SLC15A1: variants seen among roughly 807,000 people sequenced by gnomAD.
SLC15A1 encodes the protein solute carrier family 15 member 1, also known as Caco-2 oligopeptide transporter.
SLC15A1 carries 83 observed loss-of-function variants against 92.9 expected under a neutral mutation model. That is an observed-to-expected ratio of 0.89 (90% CI 0.75 to 1.07). The LOEUF is 1.07. Among genes scored for constraint, SLC15A1 ranks in the 50% least tolerant of loss-of-function variants. The pLI, the probability that SLC15A1 is intolerant of heterozygous loss-of-function variation, is 0.00. For missense variants in SLC15A1, 857 were observed against 880.1 expected (o/e 0.97, Z 0.33); for synonymous variants, 322 against 318.2 (o/e 1.01, Z -0.13).
At chr13:98,752,546 C>G in intron 1 of SLC15A1, 49 bp downstream of exon 1, 1 of 1,275,788 alleles carries the variant, frequency 7.8e-7, no homozygotes, top group Middle Eastern at 2.6e-4. Context: ...CCCCGCCCCG[C>G]GTAGCTCCGA....
At chr13:98,726,676 T>G (rs2088304525) in intron 2 of SLC15A1, 167 bp downstream of exon 2, 8 of 772,446 alleles carry the variant, frequency 1.0e-5, no homozygotes, top group Non-Finnish European at 1.8e-5. Flanking sequence ...CTGAGGAGGA[T>G]TATCCACAGC....
At chr13:98,740,822 C>T (rs74109683) in intron 1 of SLC15A1, among the ~76,000 whole-genome samples, 1,575 of 152,256 alleles carry the variant, frequency 0.01, 33 homozygotes, top group African/African-American at 0.036. Context: ...GTGTCACACA[C>T]TTGGTTTGAT....
rs1198413926 is a variant in SLC15A1, at chr13:98,692,655, CTA to C, written c.1467-4080_1467-4079del. Reference sequence around the variant, plus strand: ...AACTGCTGAGTTTTGTAGTAAAACTCTATGTTTAACATTTCAAAGAACTGTTT... The same window carrying C: ...AACTGCTGAGTTTTGTAGTAAAACTCTGTTTAACATTTCAAAGAACTGTTT... On this transcript the variant is annotated intron_variant, in intron 18 of 22. Transcript: ENST00000376503. Among the ~76,000 whole-genome samples, 115 of 152,124 alleles carry C rather than the reference CTA, an allele frequency of 7.6e-4. 1 individual carries two copies. The highest frequency in any genetic ancestry group is 1.0e-4 in the Non-Finnish European group (7 of 68,022).
At position 98,731,487 on chromosome 13, in the gene SLC15A1, C is replaced by G. The variant is rs1404863800; in HGVS notation, c.5-4628G>C. Among the ~76,000 whole-genome samples, 5 of 152,300 alleles carry G rather than the reference C, an allele frequency of 3.3e-5. No homozygotes were observed. The East Asian group carries it at 9.6e-4, about 29-fold the overall frequency. On this transcript the variant is annotated intron_variant, in intron 1 of 22. Transcript: ENST00000376503. ...TGGCCTTACCATTGCCTCCCAAAGC[C>G]AACGAGAGAGGTGAAGTCACAGAAA... is the stretch of plus-strand genomic sequence containing the variant.
intron 1 of SLC15A1, 43 bp from the exon 2 acceptor site, chr13:98,726,902 C>A (rs1384583200): frequency 6.2e-7 from 1 of 1,608,058 alleles, no homozygotes; most frequent in African/African-American, 1.3e-5. Flanking sequence ...CAAGCCATTA[C>A]AATAGTTTTT....
Position 98,711,820 on chromosome 13 carries a change from C to T in SLC15A1, c.900+34G>A, listed in dbSNP as rs759706357. On this transcript the variant is annotated intron_variant, in intron 11 of 22. Coordinates refer to ENST00000376503, the MANE Select transcript of SLC15A1 (RefSeq NM_005073.4). ...GGCAGTGCGGGATGTACGCTTGCTC[C>T]GTGAAGAAGAGCACAAGCAGAGTTT... The T allele has an allele frequency of 1.8e-5, 28 of 1,517,462 alleles. No individual in the cohort carries two copies. In the African/African-American group the frequency reaches 2.0e-4, roughly 11 times the overall value. The allele number at this position is 1,517,462 out of a possible 1,614,324, so 94.0% of individuals were successfully genotyped here.
chr13:98,744,641 C>A (rs907875247), intron 1 of SLC15A1, among the ~76,000 whole-genome samples: 1 of 146,730 alleles, frequency 6.8e-6, no homozygotes, highest in Non-Finnish European at 1.5e-5. Context: ...CCCAGCTACT[C>A]GGGAGGCTGA....
intron 1 of SLC15A1, among the ~76,000 whole-genome samples, chr13:98,730,204 A>G (rs2088336607): frequency 1.6e-5 from 2 of 128,612 alleles, no homozygotes; most frequent in Admixed American, 1.7e-4. Context: ...TCAAAAAAGA[A>G]AAAAAGGAAG....
chr13:98,700,572 A>T (rs1328041457), intron 18 of SLC15A1, among the ~76,000 whole-genome samples: 2 of 149,684 alleles, frequency 1.3e-5, no homozygotes, highest in Non-Finnish European at 3.0e-5. Flanking sequence ...TCTTCTATAG[A>T]TTGTGTTTTT....
chr13:98,722,759 T>G (rs1375432032), intron 5 of SLC15A1, among the ~76,000 whole-genome samples: 2 of 152,212 alleles, frequency 1.3e-5, no homozygotes, highest in East Asian at 3.8e-4. Context: ...TAATACAACT[T>G]GCATTTAATG....
intron 1 of SLC15A1, among the ~76,000 whole-genome samples, chr13:98,733,462 C>T (rs2088365925): frequency 6.6e-6 from 1 of 152,176 alleles, no homozygotes; most frequent in Non-Finnish European, 1.5e-5. Flanking sequence ...TACCTGGCAC[C>T]TGGCTTTTAA....
intron 15 of SLC15A1, 46 bp downstream of exon 15, chr13:98,708,640 C>G (rs1300163337): frequency 6.5e-7 from 1 of 1,538,952 alleles, no homozygotes; most frequent in South Asian, 1.2e-5. Context: ...AACGCTCCAC[C>G]TAAATCCACC....
rs140939593 is a variant in SLC15A1, at chr13:98,702,146, T to C, written c.1466+334A>G. On this transcript the variant is annotated intron_variant, in intron 18 of 22. Coordinates refer to ENST00000376503, the MANE Select transcript of SLC15A1 (RefSeq NM_005073.4). ...TTTAGACTTTCGCCATGAAGCATAA[T>C]ATCAGCTCAAGCTTTTGTAGATGTC... Among the ~76,000 whole-genome samples, 104 of 152,330 alleles carry C rather than the reference T, an allele frequency of 6.8e-4. 2 individuals carry two copies. The East Asian group carries it at 0.018, about 27-fold the overall frequency.
chr13:98,685,339 A>C (rs981579967), intron 22 of SLC15A1, among the ~76,000 whole-genome samples: 3 of 152,216 alleles, frequency 2.0e-5, no homozygotes, highest in African/African-American at 4.8e-5. Context: ...GCTCATAAGC[A>C]CACAGCATTA....
intron 18 of SLC15A1, among the ~76,000 whole-genome samples, chr13:98,697,604 A>C (rs1457053065): frequency 6.9e-6 from 1 of 145,438 alleles, no homozygotes; most frequent in African/African-American, 2.5e-5. Flanking sequence ...AACCACAAAG[A>C]CTGGCTGATG....
At chr13:98,722,574 G>A (rs560215668) in intron 5 of SLC15A1, among the ~76,000 whole-genome samples, 8 of 152,230 alleles carry the variant, frequency 5.3e-5, no homozygotes, top group African/African-American at 1.9e-4. Flanking sequence ...TTATAGGCAT[G>A]TATCCCATAT....
At chr13:98,717,332 T>C (rs1484793744) in intron 8 of SLC15A1, among the ~76,000 whole-genome samples, 1 of 152,244 alleles carries the variant, frequency 6.6e-6, no homozygotes, top group African/African-American at 2.4e-5. Flanking sequence ...AGATTGAGTC[T>C]ATGTTTTCTT....
In SLC15A1 at chr13:98,749,446, G is replaced by A. The variant is rs187785296; in HGVS notation, c.4+3149C>T. ...CCTGAAGCCTTGTACCTAATTTTCA[G>A]AGTCCATTTAGCATAGTCTTGCTAA... On this transcript the variant is annotated intron_variant, in intron 1 of 22. Coordinates refer to ENST00000376503, the MANE Select transcript of SLC15A1 (RefSeq NM_005073.4). Among the ~76,000 whole-genome samples the A allele has an allele frequency of 3.9e-4, 60 of 152,280 alleles. 1 individual carries two copies. Among genetic ancestry groups the A allele is most frequent in the Admixed American group, 1.1e-3 (17 of 15,292 alleles).
chr13:98,718,738 G>T (rs147106024), intron 8 of SLC15A1, among the ~76,000 whole-genome samples: 215 of 152,282 alleles, frequency 1.4e-3, no homozygotes, highest in Middle Eastern at 3.4e-3. Flanking sequence ...GAACCCAGGA[G>T]GCGGAGGTTG....
Sources: gnomAD v4.1 joint callset for allele counts (sites outside exome capture counted in the v4.1 genomes callset) on GRCh38, gnomAD v4.1.1 for gene constraint, MANE v1.5 for transcripts, NCBI Gene and HGNC (gene_info 2026-07-23, HGNC 2026-07-21) for gene names.